TMEM170B: variants seen among roughly 807,000 people sequenced by gnomAD.
TMEM170B encodes the protein transmembrane protein 170B.
Under a neutral mutation model 13.0 loss-of-function variants are expected in TMEM170B, and 6 were observed. The observed-to-expected ratio is 0.46, with a 90% CI of 0.25 to 0.91. The LOEUF is 0.91. Among genes scored for constraint, TMEM170B ranks in the 40% least tolerant of loss-of-function variants. The pLI, the probability that TMEM170B is intolerant of heterozygous loss-of-function variation, is 0.17. For missense variants in TMEM170B, 138 were observed against 165.2 expected (o/e 0.84, Z 0.90); for synonymous variants, 61 against 64.9 (o/e 0.94, Z 0.29).
rs187838994 is a variant in TMEM170B, at chr6:11,567,598, T to C, written c.268+1762T>C. Among the ~76,000 whole-genome samples, 518 of 152,316 alleles carry C rather than the reference T, an allele frequency of 3.4e-3. 12 individuals carry two copies. Among genetic ancestry groups the C allele is most frequent in the Non-Finnish European group, 5.9e-4 (40 of 68,020 alleles). On this transcript the variant is annotated intron_variant, in intron 2 of 2. Transcript: ENST00000379426. ...CTTGTGGGAAATGGGGAGGAGTCTG[T>C]TTTCTTATCCTTCAATTGCTATTTT...
In TMEM170B at chr6:11,580,315, T is replaced by A. The variant is rs1759937875; in HGVS notation, c.*4754T>A. 6.6e-6 allele frequency: 1 copy of A among 150,702 alleles called. No individual in the cohort carries two copies. Among genetic ancestry groups the A allele is most frequent in the African/African-American group, 2.4e-5 (1 of 41,126 alleles). The allele number at this position is 150,702 out of a possible 1,614,324, so 9.3% of individuals were successfully genotyped here. Reference sequence around the variant, plus strand: ...GGTGTAAGCTGCCGTGCCCAGCCTATTTTTTTTTAACTTCAAATACTATTA... The same window carrying A: ...GGTGTAAGCTGCCGTGCCCAGCCTAATTTTTTTTAACTTCAAATACTATTA... On this transcript the variant is annotated 3_prime_UTR_variant, in exon 3 of 3. Transcript: ENST00000379426.
At position 11,539,848 on chromosome 6, in the gene TMEM170B, A is replaced by G. The variant is rs565246143; in HGVS notation, c.97+1474A>G. The stretch of plus-strand genomic sequence containing the variant: ...AATGAAAAGTAGGGACTTAACATAT[A>G]TTTGTGCAGGCATACCTTGGAAAGA... On this transcript the variant is annotated intron_variant, in intron 1 of 2. Transcript: ENST00000379426. 3.3e-5 allele frequency among the ~76,000 whole-genome samples: 5 copies of G among 152,328 alleles called. No individual in the cohort carries two copies. The South Asian group carries it at 6.2e-4, about 19-fold the overall frequency.
intron 2 of TMEM170B, among the ~76,000 whole-genome samples, chr6:11,566,826 G>A (rs773018965): frequency 6.0e-4 from 92 of 152,206 alleles, no homozygotes; most frequent in Non-Finnish European, 1.0e-3. Context: ...GCGAGCATGC[G>A]CAGTGTGTTT....
At position 11,577,679 on chromosome 6, in the gene TMEM170B, T is replaced by C. The variant is rs1759897858; in HGVS notation, c.*2118T>C. On this transcript the variant is annotated 3_prime_UTR_variant, in exon 3 of 3. Coordinates refer to ENST00000379426, the MANE Select transcript of TMEM170B (RefSeq NM_001100829.3). Reference sequence around the variant, plus strand: ...AACTTGGATACATTAAATGTACTAATGTGTGGACCAAAGAGATTTAAACTA... The same window carrying C: ...AACTTGGATACATTAAATGTACTAACGTGTGGACCAAAGAGATTTAAACTA... 6.6e-6 allele frequency: 1 copy of C among 152,108 alleles called. No individual in the cohort carries two copies. Among genetic ancestry groups the C allele is most frequent in the Non-Finnish European group, 1.5e-5 (1 of 67,946 alleles). 9.4% of individuals were successfully genotyped at this position (152,108 alleles called of 1,614,324 possible).
chr6:11,549,462 G>T (rs1422328396), intron 1 of TMEM170B, among the ~76,000 whole-genome samples: 3 of 152,124 alleles, frequency 2.0e-5, no homozygotes, highest in Non-Finnish European at 4.4e-5. Context: ...AGGAGATCGA[G>T]ACCATCCTGG....
At chr6:11,540,817 T>A (rs1582136277) in intron 1 of TMEM170B, among the ~76,000 whole-genome samples, 1 of 152,216 alleles carries the variant, frequency 6.6e-6, no homozygotes, top group Non-Finnish European at 1.5e-5. Flanking sequence ...ATAATAAGAC[T>A]AGAAAGTCAA....
Position 11,538,378 on chromosome 6 carries a change from A to G in TMEM170B, c.97+4A>G, listed in dbSNP as rs1368321629. ...ACGGTGCTGAGGAACCTCACGGGTA[A>G]TTGACGCGCCTGGGCTGGGGACGGG... On this transcript the variant is annotated splice_donor_region_variant and intron_variant, in intron 1 of 2. Transcript: ENST00000379426. 3 of 1,508,064 alleles carry G rather than the reference A, an allele frequency of 2.0e-6. No homozygotes were observed. Among genetic ancestry groups the G allele is most frequent in the Non-Finnish European group, 2.7e-6 (3 of 1,130,552 alleles). The allele number at this position is 1,508,064 out of a possible 1,614,324, so 93.4% of individuals were successfully genotyped here.
chr6:11,545,242 C>T (rs1040449168), intron 1 of TMEM170B, among the ~76,000 whole-genome samples: 1 of 148,874 alleles, frequency 6.7e-6, no homozygotes, highest in Admixed American at 6.7e-5. Flanking sequence ...GGGAATTCAA[C>T]CTGGAATGAA....
rs942747984 is a variant in TMEM170B at position 11,577,898 on chromosome 6, T to C, written c.*2337T>C. On this transcript the variant is annotated 3_prime_UTR_variant, in exon 3 of 3. Transcript: ENST00000379426. Reference sequence around the variant, plus strand: ...GAGATTTTGTGCAACTGTCTCTCTTTTGATGTTTTGAGATGCAGTTGAATA... The same window carrying C: ...GAGATTTTGTGCAACTGTCTCTCTTCTGATGTTTTGAGATGCAGTTGAATA... The C allele has an allele frequency of 1.3e-5, 2 of 152,094 alleles. No individual in the cohort carries two copies. The highest frequency in any genetic ancestry group is 2.4e-5 in the African/African-American group (1 of 41,448). 9.4% of individuals were successfully genotyped at this position (152,094 alleles called of 1,614,324 possible). A position where few individuals can be genotyped will look rare whatever the true frequency, so the allele number is the denominator to read the frequency against.
At chr6:11,559,942 G>A (rs1252599640) in intron 1 of TMEM170B, among the ~76,000 whole-genome samples, 1 of 151,782 alleles carries the variant, frequency 6.6e-6, no homozygotes, top group African/African-American at 2.4e-5. Context: ...TAGAGAGGTT[G>A]GGTTCTCTGT....
intron 1 of TMEM170B, among the ~76,000 whole-genome samples, chr6:11,549,566 G>C (rs1049189936): frequency 2.0e-5 from 3 of 152,024 alleles, no homozygotes; most frequent in African/African-American, 7.3e-5. Flanking sequence ...GGGAGGCTGA[G>C]GCAGGAGAAT....
rs1561692865 is a variant in TMEM170B at position 11,582,271 on chromosome 6, T to C, written c.*6710T>C. The C allele has an allele frequency of 6.6e-6, 1 of 152,222 alleles. No individual in the cohort carries two copies. The highest frequency in any genetic ancestry group is 2.4e-5 in the African/African-American group (1 of 41,466). 9.4% of individuals were successfully genotyped at this position (152,222 alleles called of 1,614,324 possible). ...ACTCTCAGACCACTGATGAATCTTT[T>C]GGTAAATCACAGGCAGATTTTAAAA... On this transcript the variant is annotated 3_prime_UTR_variant, in exon 3 of 3. Coordinates refer to ENST00000379426, the MANE Select transcript of TMEM170B (RefSeq NM_001100829.3).
intron 1 of TMEM170B, among the ~76,000 whole-genome samples, chr6:11,555,658 A>G (rs1227720603): frequency 2.6e-5 from 4 of 152,092 alleles, no homozygotes; most frequent in Middle Eastern, 3.2e-3. Flanking sequence ...GAAATTCCCA[A>G]TCTGTTCATG....
chr6:11,562,572 G>A (rs779324090), intron 1 of TMEM170B, among the ~76,000 whole-genome samples: 7 of 151,674 alleles, frequency 4.6e-5, no homozygotes, highest in East Asian at 1.9e-4. Context: ...CTATTCTTTC[G>A]TTTTTTAAGA....
intron 2 of TMEM170B, among the ~76,000 whole-genome samples, chr6:11,568,030 C>T (rs896653697): frequency 3.3e-5 from 5 of 151,798 alleles, no homozygotes; most frequent in African/African-American, 1.2e-4. Context: ...GCTCGATCCC[C>T]AAAAATAAAA....
intron 1 of TMEM170B, among the ~76,000 whole-genome samples, chr6:11,543,568 A>G (rs1023686798): frequency 1.3e-5 from 2 of 152,230 alleles, no homozygotes; most frequent in African/African-American, 2.4e-5. Context: ...TCTGATAGCT[A>G]ATAGTGAAAA....
intron 1 of TMEM170B, among the ~76,000 whole-genome samples, chr6:11,549,731 GATT>G (rs949044961): frequency 5.3e-5 from 8 of 151,732 alleles, no homozygotes; most frequent in Non-Finnish European, 1.2e-4. Context: ...TGGCTAAGTA[GATT>G]AAGCATTGAA....
At chr6:11,562,571 C>G (rs1169686194) in intron 1 of TMEM170B, among the ~76,000 whole-genome samples, 1 of 151,738 alleles carries the variant, frequency 6.6e-6, no homozygotes, top group Non-Finnish European at 1.5e-5. Flanking sequence ...TCTATTCTTT[C>G]GTTTTTTAAG....
At chr6:11,547,217 A>T (rs1316822435) in intron 1 of TMEM170B, among the ~76,000 whole-genome samples, 2 of 152,200 alleles carry the variant, frequency 1.3e-5, no homozygotes, top group Non-Finnish European at 2.9e-5. Flanking sequence ...AGTGTCAGTC[A>T]AAGAAAAAAT....
Sources: allele counts gnomAD v4.1 joint callset (sites outside exome capture counted in the v4.1 genomes callset), GRCh38; gene constraint gnomAD v4.1.1; transcripts MANE v1.5; gene names NCBI Gene and HGNC (gene_info 2026-07-23, HGNC 2026-07-21).